Variants in LRMDA observed in about 807,000 individuals in gnomAD.
LRMDA encodes leucine-rich melanocyte differentiation-associated protein.
A neutral mutation model predicts 29.8 loss-of-function variants in LRMDA; 18 were observed. The ratio of observed to expected loss-of-function variants is 0.60; its 90% CI spans 0.42 to 0.90. LRMDA has a LOEUF of 0.90. LRMDA is among the 40% of genes least tolerant of loss of function. The pLI is 0.00. For synonymous variants in LRMDA, 125 were observed against 109.4 expected, an observed-to-expected ratio of 1.14 and a Z score of -0.89; for missense variants, 273 against 273.9, an observed-to-expected ratio of 1.00 and a Z score of 0.02.
intron 5 of LRMDA, among the ~76,000 whole-genome samples, chr10:76,120,028 G>A (rs1222233878): frequency 1.3e-5 from 2 of 152,076 alleles, no homozygotes; most frequent in Non-Finnish European, 2.9e-5. Context: ...TATTCTTGCA[G>A]CTTCTATCTT....
chr10:76,381,021 C>CTTT (rs538112084), intron 6 of LRMDA, among the ~76,000 whole-genome samples: 10 of 96,918 alleles, frequency 1.0e-4, no homozygotes, highest in South Asian at 3.3e-4. Flanking sequence ...TTTATCTTTG[C>CTTT]TTTTTTTTTT....
At chr10:75,683,243 A>C (rs927892261) in intron 2 of LRMDA, among the ~76,000 whole-genome samples, 1 of 152,130 alleles carries the variant, frequency 6.6e-6, no homozygotes, top group African/African-American at 2.4e-5. Context: ...CACTCACCAA[A>C]TTTCCTAGGC....
At chr10:75,991,592 A>G (rs1278995053) in intron 2 of LRMDA, among the ~76,000 whole-genome samples, 1 of 152,234 alleles carries the variant, frequency 6.6e-6, no homozygotes, top group Non-Finnish European at 1.5e-5. Context: ...GGTGGCTTCT[A>G]GAAGTGCTGA....
chr10:75,665,440 AT>A (rs1191894479), intron 2 of LRMDA, among the ~76,000 whole-genome samples: 1 of 152,172 alleles, frequency 6.6e-6, no homozygotes, highest in African/African-American at 2.4e-5. Context: ...ATATCAATTG[AT>A]TTTTAAATAT....
chr10:75,551,933 C>G (rs1355025094), intron 2 of LRMDA, among the ~76,000 whole-genome samples: 2 of 151,914 alleles, frequency 1.3e-5, no homozygotes, highest in Non-Finnish European at 2.9e-5. Flanking sequence ...GTTCCAGCCT[C>G]TTGGTAGACT....
At chr10:75,753,770 G>A (rs140437907) in intron 2 of LRMDA, among the ~76,000 whole-genome samples, 1 of 152,332 alleles carries the variant, frequency 6.6e-6, no homozygotes, top group East Asian at 1.9e-4. Flanking sequence ...ACTGGCTGCA[G>A]GTTAGAAATG....
At chr10:75,673,736 G>A (rs1004752453) in intron 2 of LRMDA, among the ~76,000 whole-genome samples, 2 of 152,180 alleles carry the variant, frequency 1.3e-5, no homozygotes, top group African/African-American at 4.8e-5. Flanking sequence ...CTAGGGATGC[G>A]ACTAGGGGCT....
At chr10:76,178,253 T>C (rs1850977575) in intron 5 of LRMDA, among the ~76,000 whole-genome samples, 1 of 152,126 alleles carries the variant, frequency 6.6e-6, no homozygotes, top group Non-Finnish European at 1.5e-5. Flanking sequence ...CAATGCTTCT[T>C]GCGGGGAACT....
At chr10:75,980,751 A>C (rs1847154063) in intron 2 of LRMDA, among the ~76,000 whole-genome samples, 3 of 152,198 alleles carry the variant, frequency 2.0e-5, no homozygotes, top group Non-Finnish European at 1.5e-5. Flanking sequence ...CTCTTCTTAC[A>C]AATTGTACCT....
rs79300114 is a variant in LRMDA, at chr10:75,925,231, A to G, written c.132-110777A>G. Among the ~76,000 whole-genome samples, 989 of 152,208 alleles carry G rather than the reference A, an allele frequency of 6.5e-3. 50 individuals are homozygous for G. In the East Asian group the frequency reaches 0.14, roughly 22 times the overall value. On this transcript the variant is annotated intron_variant, in intron 2 of 6. Transcript: ENST00000611255. Reference sequence around the variant, plus strand: ...TGTAAATTTTTTTTGCCCTCTCAGCATTAGGTTTTGAATAATTTATTATTC... The same window carrying G: ...TGTAAATTTTTTTTGCCCTCTCAGCGTTAGGTTTTGAATAATTTATTATTC...
intron 6 of LRMDA, among the ~76,000 whole-genome samples, chr10:76,374,843 T>TAATG (rs933937170): frequency 9.9e-5 from 15 of 152,254 alleles, no homozygotes; most frequent in African/African-American, 3.4e-4. Context: ...GGCAATAAGA[T>TAATG]AATGTTCCCT....
chr10:76,212,875 G>C (rs114680505), intron 5 of LRMDA, among the ~76,000 whole-genome samples: 2,297 of 152,198 alleles, frequency 0.015, 58 homozygotes, highest in African/African-American at 0.052. Context: ...ATGTGGGGGT[G>C]GGGGGATGTG....
At chr10:76,201,214 A>G (rs1851423009) in intron 5 of LRMDA, among the ~76,000 whole-genome samples, 1 of 151,604 alleles carries the variant, frequency 6.6e-6, no homozygotes, top group African/African-American at 2.4e-5. Context: ...CTCCTGCCTC[A>G]GCCTCCCAAG....
chr10:75,974,515 T>A (rs946926464), intron 2 of LRMDA, among the ~76,000 whole-genome samples: 3 of 152,176 alleles, frequency 2.0e-5, no homozygotes, highest in African/African-American at 7.2e-5. Flanking sequence ...GGGTTGCTGT[T>A]ATTGATAATC....
intron 6 of LRMDA, among the ~76,000 whole-genome samples, chr10:76,344,521 G>A (rs11001737): frequency 1.1e-4 from 17 of 151,606 alleles, no homozygotes; most frequent in Admixed American, 2.6e-4. Flanking sequence ...TTTTTCTTCC[G>A]TTTTAAACTA....
chr10:75,697,401 G>T (rs1842249032), intron 2 of LRMDA, among the ~76,000 whole-genome samples: 2 of 151,526 alleles, frequency 1.3e-5, no homozygotes, highest in Non-Finnish European at 2.9e-5. Context: ...TTTAGACAGA[G>T]ACAGAAAACC....
chr10:75,790,074 T>A (rs1564568425), intron 2 of LRMDA, among the ~76,000 whole-genome samples: 1 of 152,036 alleles, frequency 6.6e-6, no homozygotes, highest in Non-Finnish European at 1.5e-5. Flanking sequence ...GAAGAAACAA[T>A]CACAATGAAA....
At chr10:75,534,344 A>G (rs997595226) in intron 2 of LRMDA, among the ~76,000 whole-genome samples, 2 of 152,324 alleles carry the variant, frequency 1.3e-5, no homozygotes, top group Admixed American at 6.5e-5. Flanking sequence ...ACTTGCTGTC[A>G]TGTGGTGTAC....
chr10:76,550,884 G>A (rs1323244097), intron 6 of LRMDA, among the ~76,000 whole-genome samples: 6 of 152,194 alleles, frequency 3.9e-5, no homozygotes, highest in Admixed American at 1.3e-4. Context: ...GAAGTAGGAT[G>A]TTGTGCTAGG....
Sources: allele counts gnomAD v4.1 joint callset (sites outside exome capture counted in the v4.1 genomes callset), GRCh38; gene constraint gnomAD v4.1.1; transcripts MANE v1.5; gene names NCBI Gene and HGNC (gene_info 2026-07-23, HGNC 2026-07-21).